The following WDHD1 variants were observed in gnomAD, a reference collection of about 807,000 sequenced individuals.
WDHD1 encodes WD repeat and HMG-box DNA-binding protein 1.
Under a neutral mutation model 135.4 loss-of-function variants are expected in WDHD1, and 111 were observed. The ratio of observed to expected loss-of-function variants is 0.82; its 90% confidence interval spans 0.70 to 0.96. The LOEUF is 0.96. Ranked by LOEUF, WDHD1 falls within the 40% of genes least tolerant of loss-of-function variation. WDHD1 has a pLI of 0.00. For synonymous variants in WDHD1, 434 were observed against 439.0 expected, an observed-to-expected ratio of 0.99 and a Z score of 0.14; for missense variants, 1,351 against 1,336.3, an observed-to-expected ratio of 1.01 and a Z score of -0.17.
At chr14:54,957,445 C>CT in intron 22 of WDHD1, 147 bp downstream of exon 22, 1 of 854,420 alleles carries the variant, frequency 1.2e-6, no homozygotes, top group Non-Finnish European at 1.8e-6. Context: ...AAAGACAACT[C>CT]TCAGCCCAAG....
intron 23 of WDHD1, among the ~76,000 whole-genome samples, chr14:54,955,895 C>CGTTTTTTTTTTTTTTTTTTT (rs1281053966): frequency 9.1e-6 from 1 of 110,096 alleles, no homozygotes. Flanking sequence ...CCATGTTTTC[C>CGTTTTTTTTTTTTTTTTTTT]TTTTTTTTTT....
chr14:54,992,347 T>C (rs1039692535), intron 11 of WDHD1, among the ~76,000 whole-genome samples: 3 of 151,468 alleles, frequency 2.0e-5, no homozygotes, highest in African/African-American at 7.3e-5. Context: ...AAAATTAGCC[T>C]GGCATGGTGG....
In WDHD1 at chr14:54,948,251, G is replaced by A. The variant is rs1039144551; in HGVS notation, c.3051-3781C>T. Among the ~76,000 whole-genome samples, 68 of 152,070 alleles carry A rather than the reference G, an allele frequency of 4.5e-4. 1 individual carries two copies. The highest frequency in any genetic ancestry group is 7.4e-5 in the Non-Finnish European group (5 of 68,024). On this transcript the variant is annotated intron_variant, in intron 24 of 25. Coordinates refer to ENST00000360586, the MANE Select transcript of WDHD1 (RefSeq NM_007086.4). Reference sequence around the variant, plus strand: ...CCGAGTGTGAGCTGAAGCAGGGCAAGGCATCACCTCACCCGGGAAGCGCAA... The same window carrying A: ...CCGAGTGTGAGCTGAAGCAGGGCAAAGCATCACCTCACCCGGGAAGCGCAA...
At chr14:54,943,661 G>A (rs12100729) in intron 25 of WDHD1, among the ~76,000 whole-genome samples, 6,020 of 152,252 alleles carry the variant, frequency 0.04, 391 homozygotes, top group African/African-American at 0.14. Flanking sequence ...GCCTCCCAAA[G>A]TGCTAGGATT....
At chr14:55,001,134 G>A in intron 8 of WDHD1, 142 bp from the exon 9 acceptor site, 2 of 426,620 alleles carry the variant, frequency 4.7e-6, no homozygotes, top group Admixed American at 8.8e-5. Context: ...TTATATCCCT[G>A]TTCTATATTA....
rs2140197122 is a variant in WDHD1, at chr14:54,987,292, C to A, written c.1622G>T (p.Gly541Val). 1.2e-6 allele frequency: 2 copies of A among 1,614,092 alleles called. No individual in the cohort carries two copies. Among genetic ancestry groups the A allele is most frequent in the East Asian group, 4.5e-5 (2 of 44,864 alleles). ...AGTAGCGGCAGCAGCCCATCCTTGA[C>A]CGAGACATATGGCTTCAATATCCTC... ...QNEDIEAICL[G>V]QGWAAAATSA... is the part of the protein sequence containing the mutation. The change falls in exon 14 of 26, where the codon GGT (glycine) becomes GTT (valine). Residue 541 changes from glycine (G) to valine (V), a missense_variant. Gly to Val is a moderately radical substitution (Grantham distance 109, BLOSUM62 -3). Coordinates refer to ENST00000360586, the MANE Select transcript of WDHD1 (RefSeq NM_007086.4).
At chr14:54,966,817 A>G (rs1566716405) in intron 17 of WDHD1, among the ~76,000 whole-genome samples, 1 of 152,238 alleles carries the variant, frequency 6.6e-6, no homozygotes, top group Non-Finnish European at 1.5e-5. Context: ...GGAATACAGC[A>G]TTTAAAACAG....
intron 16 of WDHD1, among the ~76,000 whole-genome samples, chr14:54,969,606 C>T (rs58055971): frequency 0.28 from 42,767 of 151,894 alleles, 6,104 homozygotes; most frequent in Non-Finnish European, 0.3. Flanking sequence ...AGCCCTGGAC[C>T]AGAAAAATCA....
At position 55,000,746 on chromosome 14, in the gene WDHD1, C is replaced by T. The variant is rs539124283; in HGVS notation, c.801-102G>A. The T allele has an allele frequency of 3.0e-4, 329 of 1,089,068 alleles. 1 individual carries two copies. The African/African-American group carries it at 4.9e-3, about 16-fold the overall frequency. The allele number at this position is 1,089,068 out of a possible 1,614,324, so 67.5% of individuals were successfully genotyped here. ...TTAGGAAAGAATAAATGACTTTTGA[C>T]AATAATTTATAAATAATATAAATTT... is the stretch of plus-strand genomic sequence containing the variant. On this transcript the variant is annotated intron_variant, in intron 9 of 25. Transcript: ENST00000360586.
At chr14:54,999,378 A>C (rs2041942423) in intron 10 of WDHD1, among the ~76,000 whole-genome samples, 1 of 152,168 alleles carries the variant, frequency 6.6e-6, no homozygotes, top group South Asian at 2.1e-4. Flanking sequence ...AGCTTTGAAC[A>C]CAGATGTTGA....
In WDHD1 at chr14:54,987,233, C is replaced by T. The variant is rs2041708228; in HGVS notation, c.1681G>A (p.Gly561Arg). The change falls in exon 14 of 26, where the codon GGG becomes AGG. Residue 561 changes from glycine to arginine, a missense_variant. Gly to Arg is a moderately radical substitution (Grantham distance 125, BLOSUM62 -2). Transcript: ENST00000360586. ...AGGCTGAATACCTCTTTTTGAACCCCTCCAATAGTAAACAATCGAAGAAGC... is the reference window on the plus strand; with the variant it reads ...AGGCTGAATACCTCTTTTTGAACCCTTCCAATAGTAAACAATCGAAGAAGC... ...ALLLRLFTIG[G>R]VQKEVFSLAG... 10 of 1,614,120 alleles carry T rather than the reference C, an allele frequency of 6.2e-6. No homozygotes were observed. The highest frequency in any genetic ancestry group is 8.5e-6 in the Non-Finnish European group (10 of 1,180,016).
intron 16 of WDHD1, among the ~76,000 whole-genome samples, chr14:54,978,616 C>G (rs1449027100): frequency 6.6e-6 from 1 of 151,840 alleles, no homozygotes; most frequent in Non-Finnish European, 1.5e-5. Context: ...GAATATACTT[C>G]TTCTGATACT....
At chr14:54,994,668 C>CA (rs1430280312) in intron 11 of WDHD1, among the ~76,000 whole-genome samples, 2 of 149,852 alleles carry the variant, frequency 1.3e-5, no homozygotes, top group African/African-American at 4.9e-5. Flanking sequence ...GGCTGAGGCA[C>CA]AAGAATCACT....
chr14:54,990,071 T>C (rs2041759879), intron 12 of WDHD1, among the ~76,000 whole-genome samples: 1 of 151,930 alleles, frequency 6.6e-6, no homozygotes, highest in South Asian at 2.1e-4. Flanking sequence ...CAATATTTTA[T>C]TTAACATAAC....
chr14:54,963,184 AGGGGGG>A lies in WDHD1; in HGVS notation c.2311-18_2311-13del. 1 of 174,884 alleles carries A rather than the reference AGGGGGG, an allele frequency of 5.7e-6. No individual in the cohort carries two copies. Among genetic ancestry groups the A allele is most frequent in the Non-Finnish European group, 1.2e-5 (1 of 86,442 alleles). The allele number at this position is 174,884 out of a possible 1,614,324, so 10.8% of individuals were successfully genotyped here. On this transcript the variant is annotated splice_polypyrimidine_tract_variant and intron_variant, in intron 18 of 25. Transcript: ENST00000360586. ...AGTTTACAAGAAAGCTAATCCAAAAAGGGGGGGGGGGGGGAGATCAAATAACATCAA... is the reference window on the plus strand; with the variant it reads ...AGTTTACAAGAAAGCTAATCCAAAAAGGGGGGGGAGATCAAATAACATCAA...
At chr14:55,005,227 C>G (rs1194719754) in intron 7 of WDHD1, 1 of 539,224 alleles carries the variant, frequency 1.9e-6, no homozygotes, top group African/African-American at 1.9e-5. Context: ...CCACATAGCA[C>G]AGAGGAAAAT....
chr14:54,987,932 G>T (rs2041719701), intron 13 of WDHD1, among the ~76,000 whole-genome samples: 1 of 152,144 alleles, frequency 6.6e-6, no homozygotes, highest in Admixed American at 6.6e-5. Context: ...CAGCCTGAAG[G>T]ATACAAATTT....
At chr14:54,996,593 C>T (rs2140209075) in intron 10 of WDHD1, among the ~76,000 whole-genome samples, 1 of 152,144 alleles carries the variant, frequency 6.6e-6, no homozygotes, top group Middle Eastern at 3.4e-3. Flanking sequence ...GAGTGAGACC[C>T]TGTCTCAAAA....
At chr14:54,983,681 A>T (rs1257557192) in intron 15 of WDHD1, among the ~76,000 whole-genome samples, 2 of 51,306 alleles carry the variant, frequency 3.9e-5, no homozygotes, top group East Asian at 3.0e-4. Flanking sequence ...TTTATTCCTT[A>T]AAAAAAAAAA....
Sources: gnomAD v4.1 joint callset for allele counts (sites outside exome capture counted in the v4.1 genomes callset) on GRCh38, gnomAD v4.1.1 for gene constraint, MANE v1.5 for transcripts, NCBI Gene and HGNC (gene_info 2026-07-23, HGNC 2026-07-21) for gene names.